Variants in CCM2 observed in about 807,000 individuals in gnomAD.
The protein encoded by CCM2 is cerebral cavernous malformations 2 protein.
A neutral mutation model predicts 44.9 loss-of-function variants in CCM2; 25 were observed. The observed-to-expected ratio is 0.56, with a 90% CI of 0.41 to 0.78. The LOEUF (loss-of-function observed/expected upper bound fraction) is 0.78, where lower values mean the gene tolerates loss of function less well. CCM2 is among the 30% of genes least tolerant of loss of function. The pLI is 0.00. For synonymous variants in CCM2, 219 were observed against 241.1 expected (o/e 0.91, Z 0.85); for missense variants, 481 against 580.6 (o/e 0.83, Z 1.76).
chr7:45,023,866 A>G (rs1796585898), intron 1 of CCM2, among the ~76,000 whole-genome samples: 1 of 135,304 alleles, frequency 7.4e-6, no homozygotes, highest in Non-Finnish European at 1.5e-5. Context: ...GCTGGAGTGC[A>G]ATGGCACAAT....
intron 1 of CCM2, among the ~76,000 whole-genome samples, chr7:45,011,795 G>T (rs117100603): frequency 1.3e-5 from 2 of 152,112 alleles, no homozygotes; most frequent in Non-Finnish European, 2.9e-5. Flanking sequence ...CAAGTGATCT[G>T]CCTGCCTTGG....
Position 45,073,625 on chromosome 7 carries a change from G to T in CCM2, c.915+54G>T, listed in dbSNP as rs77527953. 2,564 of 1,301,808 alleles carry T rather than the reference G, an allele frequency of 2.0e-3. 36 individuals are homozygous for T. In the African/African-American group the frequency reaches 0.032, roughly 16 times the overall value. 80.6% of individuals were successfully genotyped at this position (1,301,808 alleles called of 1,614,324 possible). ...TGCATGAGGGAGGGGGTGCCCCAGG[G>T]AGGATGGGGGGAAGGGGAGGAGGAG... On this transcript the variant is annotated intron_variant, in intron 8 of 9. Transcript: ENST00000258781.
Position 45,058,899 on chromosome 7 carries a change from A to G in CCM2, c.205-5019A>G, listed in dbSNP as rs1038183730. ...CAGGCACCTGCCACCACGCCCAGCTAATTTTTTTTTTTTTTTTGTATTTTT... is the reference window on the plus strand; with the variant it reads ...CAGGCACCTGCCACCACGCCCAGCTGATTTTTTTTTTTTTTTTGTATTTTT... On this transcript the variant is annotated intron_variant, in intron 2 of 9. Coordinates refer to ENST00000258781, the MANE Select transcript of CCM2 (RefSeq NM_031443.4). Among the ~76,000 whole-genome samples, 3 of 124,596 alleles carry G rather than the reference A, an allele frequency of 2.4e-5. No individual in the cohort carries two copies. In the East Asian group the frequency reaches 6.4e-4, roughly 26 times the overall value. The allele number at this position is 124,596 out of a possible 152,430, so 81.7% of individuals were successfully genotyped here. A position where few individuals can be genotyped will look rare whatever the true frequency, so the allele number is the denominator to read the frequency against.
intron 7 of CCM2, 200 bp from the exon 8 acceptor site, chr7:45,073,260 C>A (rs1417592764): frequency 9.6e-6 from 6 of 622,526 alleles, no homozygotes; most frequent in Non-Finnish European, 1.8e-5. Flanking sequence ...CAGAGCCATG[C>A]CCCCGGGGAG....
chr7:45,049,773 ACT>A (rs35742623), intron 2 of CCM2, among the ~76,000 whole-genome samples: 18,324 of 152,074 alleles, frequency 0.12, 1,922 homozygotes, highest in African/African-American at 0.28. Context: ...ATACGTGAGG[ACT>A]CTGTGAGTGT....
chr7:45,008,430 C>T (rs972019841), intron 1 of CCM2, among the ~76,000 whole-genome samples: 4 of 144,474 alleles, frequency 2.8e-5, no homozygotes, highest in Non-Finnish European at 4.5e-5. Flanking sequence ...GGCGCGATCT[C>T]GGCTCACCAC....
At chr7:45,073,696 C>A in intron 8 of CCM2, 125 bp downstream of exon 8, 1 of 652,402 alleles carries the variant, frequency 1.5e-6, no homozygotes, top group Non-Finnish European at 2.7e-6. Context: ...TCACCTAGAG[C>A]ACTCTTGGTC....
chr7:45,003,038 T>C (rs1357068040), intron 1 of CCM2, among the ~76,000 whole-genome samples: 2 of 152,242 alleles, frequency 1.3e-5, no homozygotes, highest in Non-Finnish European at 2.9e-5. Context: ...GGCTCCTACC[T>C]ACGGTATGGA....
chr7:45,062,272 A>G (rs1215076110), intron 2 of CCM2, among the ~76,000 whole-genome samples: 1 of 152,192 alleles, frequency 6.6e-6, no homozygotes, highest in East Asian at 1.9e-4. Flanking sequence ...CAACTGAGAA[A>G]TGTTGAGTGC....
intron 1 of CCM2, among the ~76,000 whole-genome samples, chr7:45,030,524 C>G (rs1356501923): frequency 6.6e-6 from 1 of 152,120 alleles, no homozygotes; most frequent in Non-Finnish European, 1.5e-5. Flanking sequence ...CAGCCTCAAC[C>G]TCCCAAGCTC....
At chr7:45,057,405 C>T (rs1042371512) in intron 2 of CCM2, among the ~76,000 whole-genome samples, 1 of 152,118 alleles carries the variant, frequency 6.6e-6, no homozygotes, top group African/African-American at 2.4e-5. Flanking sequence ...TCGTGATCCA[C>T]CCGCCTCGGC....
At chr7:45,000,978 A>G (rs1383664751) in intron 1 of CCM2, among the ~76,000 whole-genome samples, 1 of 152,260 alleles carries the variant, frequency 6.6e-6, no homozygotes. Context: ...AAGACTGGAA[A>G]AACGATGTGG....
In CCM2 at chr7:45,076,000, G is replaced by T. The variant is rs371498958; in HGVS notation, c.1278G>T (p.Ser426=). The change falls in exon 10 of 10, where the codon TCG becomes TCT. Residue 426 remains serine (S), a synonymous_variant. Coordinates refer to ENST00000258781, the MANE Select transcript of CCM2 (RefSeq NM_031443.4). ...SEGDEWDRMI[S]DISSDIEALG... Reference sequence around the variant, plus strand: ...GGGATGAGTGGGACCGCATGATCTCGGACATCAGCAGCGACATTGAGGCGC... The same window carrying T: ...GGGATGAGTGGGACCGCATGATCTCTGACATCAGCAGCGACATTGAGGCGC... 5.0e-6 allele frequency: 8 copies of T among 1,612,976 alleles called. No homozygotes were observed. Among genetic ancestry groups the T allele is most frequent in the Non-Finnish European group, 6.8e-6 (8 of 1,180,032 alleles).
chr7:45,023,935 G>A (rs924952413), intron 1 of CCM2, among the ~76,000 whole-genome samples: 4 of 150,962 alleles, frequency 2.6e-5, no homozygotes, highest in African/African-American at 4.9e-5. Context: ...CTCAGTCTCC[G>A]TAGTAGCTGG....
intron 2 of CCM2, among the ~76,000 whole-genome samples, chr7:45,056,800 C>T (rs752504837): frequency 1.3e-5 from 2 of 152,038 alleles, no homozygotes; most frequent in Admixed American, 6.6e-5. Context: ...TATTCTTTGG[C>T]GCACAAAAGT....
chr7:45,043,540 A>C (rs557551966), intron 2 of CCM2, among the ~76,000 whole-genome samples: 1 of 152,080 alleles, frequency 6.6e-6, no homozygotes, highest in East Asian at 1.9e-4. Context: ...TGGCAGGAGA[A>C]TCACTTGAAC....
Position 45,076,063 on chromosome 7 carries a change from A to G in CCM2, c.*6A>G, listed in dbSNP as rs144650652. 3.4e-3 allele frequency: 5,554 copies of G among 1,612,962 alleles called. 27 individuals are homozygous for G. Among genetic ancestry groups the G allele is most frequent in the Middle Eastern group, 5.1e-3 (31 of 6,062 alleles). On this transcript the variant is annotated 3_prime_UTR_variant, in exon 10 of 10. Coordinates refer to ENST00000258781, the MANE Select transcript of CCM2 (RefSeq NM_031443.4). The stretch of plus-strand genomic sequence containing the variant: ...TGGACCAGGACTCAGCATGATGGAC[A>G]GTGGATGGGGGGGCACCCACACCTT...
intron 1 of CCM2, among the ~76,000 whole-genome samples, chr7:45,028,462 T>C (rs1480352381): frequency 6.6e-6 from 1 of 151,990 alleles, no homozygotes; most frequent in African/African-American, 2.4e-5. Context: ...TCAAGACCAT[T>C]CTGACTAACA....
intron 1 of CCM2, among the ~76,000 whole-genome samples, chr7:45,036,269 G>A (rs1194302801): frequency 4.6e-5 from 7 of 152,158 alleles, no homozygotes; most frequent in South Asian, 4.1e-4. Context: ...TATTGAAAGA[G>A]CTTCCTGATT....
Sources: allele counts gnomAD v4.1 joint callset (sites outside exome capture counted in the v4.1 genomes callset), GRCh38; gene constraint gnomAD v4.1.1; transcripts MANE v1.5; gene names NCBI Gene and HGNC (gene_info 2026-07-23, HGNC 2026-07-21).